The following PTPN22 variants were observed in gnomAD, a reference collection of about 807,000 sequenced individuals.
PTPN22 encodes the protein protein tyrosine phosphatase non-receptor type 22, also known as tyrosine-protein phosphatase non-receptor type 22.
PTPN22 carries 85 observed loss-of-function variants against 103.3 expected under a neutral mutation model. The ratio of observed to expected loss-of-function variants is 0.82; its 90% confidence interval spans 0.69 to 0.99. The LOEUF is 0.99. Among genes scored for constraint, PTPN22 ranks in the 50% least tolerant of loss-of-function variants. The pLI, the probability that PTPN22 is intolerant of heterozygous loss-of-function variation, is 0.00. For missense variants in PTPN22, 865 were observed against 936.9 expected (o/e 0.92, Z 1.00); for synonymous variants, 323 against 310.2 (o/e 1.04, Z -0.43).
At position 113,820,767 on chromosome 1, in the gene PTPN22, T is replaced by G. The variant is rs184287646; in HGVS notation, c.2282-1113A>C. 2.0e-5 allele frequency among the ~76,000 whole-genome samples: 3 copies of G among 152,226 alleles called. No homozygotes were observed. The East Asian group carries it at 5.8e-4, about 29-fold the overall frequency. On this transcript the variant is annotated intron_variant, in intron 19 of 20. Coordinates refer to ENST00000359785, the Ensembl canonical transcript of PTPN22. Reference sequence around the variant, plus strand: ...AGATATTAAGTGTTTTTGTGTTGTTTTCAACATTTTCAGAATGCACTGTGT... The same window carrying G: ...AGATATTAAGTGTTTTTGTGTTGTTGTCAACATTTTCAGAATGCACTGTGT...
rs79241487 is a variant in PTPN22 at position 113,859,160 on chromosome 1, G to A, written c.197-82C>T. 4.3e-3 allele frequency: 6,827 copies of A among 1,579,662 alleles called. 275 individuals are homozygous for A. In the African/African-American group the frequency reaches 0.081, roughly 19 times the overall value. On this transcript the variant is annotated intron_variant, in intron 2 of 20. Transcript: ENST00000359785. ...ATCAGGGCCTAACACTGTGAATAGT[G>A]TATGCTCATGAGTGAACAAGTGAGT... is the stretch of plus-strand genomic sequence containing the variant.
chr1:113,849,594 ATT>A (rs574631537), intron 10 of PTPN22, among the ~76,000 whole-genome samples: 24,348 of 125,550 alleles, frequency 0.19, 2,377 homozygotes, highest in Non-Finnish European at 0.23. Flanking sequence ...TTATTTATTT[ATT>A]TTTTTTTTTG....
chr1:113,835,580 A>G (rs1662931473), intron 13 of PTPN22, among the ~76,000 whole-genome samples: 1 of 152,176 alleles, frequency 6.6e-6, no homozygotes, highest in South Asian at 2.1e-4. Flanking sequence ...GTCACGGTGT[A>G]TCAGTTAACA....
At chr1:113,820,045 C>T (rs1661461051) in intron 19 of PTPN22, among the ~76,000 whole-genome samples, 1 of 151,958 alleles carries the variant, frequency 6.6e-6, no homozygotes, top group Admixed American at 6.5e-5. Context: ...ATTTCTTCTC[C>T]ACAATAATTC....
exon 13 of PTPN22, chr1:113,837,884 T>C: frequency 6.2e-7 from 1 of 1,614,144 alleles, no homozygotes; most frequent in Non-Finnish European, 8.5e-7. Context: ...ATTTGGTGTT[T>C]AGAGTCATAT....
At chr1:113,852,342 A>G (rs1664640678) in intron 9 of PTPN22, among the ~76,000 whole-genome samples, 1 of 152,128 alleles carries the variant, frequency 6.6e-6, no homozygotes, top group South Asian at 2.1e-4. Flanking sequence ...GGTATAACCA[A>G]ATGTCTAAAA....
At chr1:113,863,373 G>A (rs1336872780) in intron 1 of PTPN22, among the ~76,000 whole-genome samples, 3 of 152,200 alleles carry the variant, frequency 2.0e-5, no homozygotes, top group Non-Finnish European at 4.4e-5. Context: ...GATTACAGGC[G>A]TGAGCCGCTG....
intron 20 of PTPN22, among the ~76,000 whole-genome samples, chr1:113,818,527 C>A (rs1044848417): frequency 1.8e-4 from 27 of 152,252 alleles, no homozygotes; most frequent in African/African-American, 5.3e-4. Flanking sequence ...GCAAAAAAGA[C>A]AGATCCAGAA....
At chr1:113,861,575 C>T (rs1426647121) in intron 1 of PTPN22, among the ~76,000 whole-genome samples, 2 of 151,210 alleles carry the variant, frequency 1.3e-5, no homozygotes, top group Non-Finnish European at 2.9e-5. Flanking sequence ...GACAGGGTTT[C>T]GCCATGTTGG....
At chr1:113,827,877 G>T (rs189804150) in intron 18 of PTPN22, among the ~76,000 whole-genome samples, 24 of 152,286 alleles carry the variant, frequency 1.6e-4, no homozygotes, top group Middle Eastern at 6.8e-3. Context: ...CAACAACATT[G>T]AGTGTGCTTA....
intron 18 of PTPN22, among the ~76,000 whole-genome samples, 187 bp downstream of exon 18, chr1:113,829,404 CA>C (rs920946109): frequency 6.6e-6 from 1 of 152,094 alleles, no homozygotes; most frequent in Non-Finnish European, 1.5e-5. Context: ...CTCCCTCTGA[CA>C]AATGCCTCTT....
At chr1:113,855,923 T>C (rs1368738397) in intron 7 of PTPN22, among the ~76,000 whole-genome samples, 2 of 152,244 alleles carry the variant, frequency 1.3e-5, no homozygotes, top group Non-Finnish European at 2.9e-5. Flanking sequence ...CTATGCACTG[T>C]TCAGCTTCTG....
exon 3 of PTPN22, chr1:113,859,039 T>C: frequency 1.2e-6 from 2 of 1,614,002 alleles, no homozygotes; most frequent in Non-Finnish European, 1.7e-6. Flanking sequence ...GGAATCCTCA[T>C]CAGAGGTTAT....
intron 5 of PTPN22, among the ~76,000 whole-genome samples, chr1:113,857,192 A>G (rs905172237): frequency 3.9e-5 from 6 of 152,324 alleles, no homozygotes; most frequent in African/African-American, 1.2e-4. Flanking sequence ...TGTATATTTT[A>G]TATTTATAGC....
chr1:113,836,197 T>A (rs1663006652), intron 13 of PTPN22, among the ~76,000 whole-genome samples: 2 of 152,222 alleles, frequency 1.3e-5, no homozygotes, highest in Non-Finnish European at 2.9e-5. Context: ...CTATGTAGAA[T>A]GTGCTTTACA....
intron 10 of PTPN22, among the ~76,000 whole-genome samples, chr1:113,849,785 C>T (rs2102049019): frequency 6.6e-6 from 1 of 152,082 alleles, no homozygotes; most frequent in South Asian, 2.1e-4. Context: ...GACAGGGTCT[C>T]ACTATGTTGC....
At chr1:113,825,703 ATGTTGT>A (rs752873236) in intron 18 of PTPN22, among the ~76,000 whole-genome samples, 11 of 151,124 alleles carry the variant, frequency 7.3e-5, no homozygotes, top group Non-Finnish European at 1.3e-4. Flanking sequence ...AGATTAATAA[ATGTTGT>A]TGTTGTTGTT....
At chr1:113,840,866 C>T (rs1663484344) in intron 11 of PTPN22, among the ~76,000 whole-genome samples, 1 of 152,114 alleles carries the variant, frequency 6.6e-6, no homozygotes, top group Admixed American at 6.6e-5. Flanking sequence ...CAAGAAAATT[C>T]AATGGAGAAA....
chr1:113,814,415 A>C (rs529879157), exon 21 of PTPN22: 1 of 152,552 alleles, frequency 6.6e-6, no homozygotes, highest in Non-Finnish European at 1.5e-5. Context: ...AAGATTTACA[A>C]GGTATACTCC....
Sources: gnomAD v4.1 joint callset for allele counts (sites outside exome capture counted in the v4.1 genomes callset) on GRCh38, gnomAD v4.1.1 for gene constraint, MANE v1.5 for transcripts, NCBI Gene and HGNC (gene_info 2026-07-23, HGNC 2026-07-21) for gene names.